The following COLEC12 variants were observed in gnomAD, a reference collection of about 807,000 sequenced individuals.
The protein encoded by COLEC12 is collectin-12.
In COLEC12, 33 loss-of-function variants were observed where a neutral mutation model predicts 71.1. That is an observed-to-expected ratio of 0.46 (90% CI 0.35 to 0.62). The LOEUF is 0.62. Ranked by LOEUF, COLEC12 falls within the 20% of genes least tolerant of loss-of-function variation. The pLI is 0.00. For synonymous variants in COLEC12, 350 were observed against 353.0 expected (o/e 0.99, Z 0.10); for missense variants, 765 against 916.1 (o/e 0.84, Z 2.13).
At position 322,254 on chromosome 18, in the gene COLEC12, C is replaced by T. The variant is rs1432497389; in HGVS notation, c.2064-447G>A. ...TGTGAGAACCCAGAGGGACCTTGTA[C>T]ATTTCAATATCTTGCCTCTAACAAG... On this transcript the variant is annotated intron_variant, in intron 8 of 9. Coordinates refer to ENST00000400256, the MANE Select transcript of COLEC12 (RefSeq NM_130386.3). 3.9e-5 allele frequency among the ~76,000 whole-genome samples: 6 copies of T among 152,052 alleles called. No individual in the cohort carries two copies. The East Asian group carries it at 1.2e-3, about 29-fold the overall frequency.
At chr18:437,020 G>A (rs1393731173) in intron 2 of COLEC12, among the ~76,000 whole-genome samples, 1 of 152,190 alleles carries the variant, frequency 6.6e-6, no homozygotes, top group Non-Finnish European at 1.5e-5. Context: ...TCCAAGGTGA[G>A]AAGCAATTCT....
rs1915824337 is a variant in COLEC12, at chr18:408,073, A to G, written c.59-50551T>C. 6.6e-6 allele frequency among the ~76,000 whole-genome samples: 1 copy of G among 152,242 alleles called. No homozygotes were observed. On this transcript the variant is annotated intron_variant, in intron 2 of 9. Transcript: ENST00000400256. The surrounding 1 kb of genome is among the most constrained non-coding windows in gnomAD (Gnocchi z 4.3). ...AATCCAGTTGGCACTAACCTAGGAA[A>G]TGAATTTTTAATAACTCTAATTCAG...
At position 434,741 on chromosome 18, in the gene COLEC12, A is replaced by C. The variant is rs559603823; in HGVS notation, c.58+45966T>G. Among the ~76,000 whole-genome samples the C allele has an allele frequency of 1.6e-4, 24 of 152,028 alleles. No individual in the cohort carries two copies. In the East Asian group the frequency reaches 4.4e-3, roughly 28 times the overall value. On this transcript the variant is annotated intron_variant, in intron 2 of 9. Coordinates refer to ENST00000400256, the MANE Select transcript of COLEC12 (RefSeq NM_130386.3). Reference sequence around the variant, plus strand: ...TCCCAAAAGCACATATTTGAAGCTCACTCTCCCCAGCTGAACATACAGTGG... The same window carrying C: ...TCCCAAAAGCACATATTTGAAGCTCCCTCTCCCCAGCTGAACATACAGTGG...
At chr18:389,159 T>C (rs1915406301) in intron 2 of COLEC12, among the ~76,000 whole-genome samples, 1 of 151,580 alleles carries the variant, frequency 6.6e-6, no homozygotes, top group Non-Finnish European at 1.5e-5. Flanking sequence ...AAATAATTTT[T>C]GAAAAGTAGG....
Position 500,529 on chromosome 18 carries a change from C to G in COLEC12, c.-15G>C. ...CTACCTTTCATGGTGACCGTGGGGA[C>G]GCACCGCCGGCCGGGGAGCTCCGCG... is the stretch of plus-strand genomic sequence containing the variant. On this transcript the variant is annotated 5_prime_UTR_variant, in exon 1 of 10. Transcript: ENST00000400256. The surrounding 1 kb of genome is among the most constrained non-coding windows in gnomAD (Gnocchi z 5.3). 8.2e-7 allele frequency: 1 copy of G among 1,226,764 alleles called. No homozygotes were observed. The highest frequency in any genetic ancestry group is 1.0e-6 in the Non-Finnish European group (1 of 984,686). The allele number at this position is 1,226,764 out of a possible 1,614,324, so 76.0% of individuals were successfully genotyped here. A position where few individuals can be genotyped will look rare whatever the true frequency, so the allele number is the denominator to read the frequency against.
chr18:460,869 C>T (rs1008418016), intron 2 of COLEC12, among the ~76,000 whole-genome samples: 6 of 152,110 alleles, frequency 3.9e-5, no homozygotes, highest in East Asian at 1.9e-4. Context: ...ACATATCACT[C>T]GGAGGGTCAG....
At chr18:495,363 G>A (rs933027251) in intron 1 of COLEC12, among the ~76,000 whole-genome samples, 12 of 152,144 alleles carry the variant, frequency 7.9e-5, no homozygotes, top group South Asian at 2.1e-4. Flanking sequence ...ATCACTCACC[G>A]GTGGTTACAG....
At chr18:372,708 T>C (rs1915027494) in intron 2 of COLEC12, among the ~76,000 whole-genome samples, 1 of 152,154 alleles carries the variant, frequency 6.6e-6, no homozygotes, top group Non-Finnish European at 1.5e-5. Flanking sequence ...TGAGCCACCA[T>C]GCCCGCCCAA....
At chr18:393,375 TC>T (rs1915503234) in intron 2 of COLEC12, among the ~76,000 whole-genome samples, 1 of 151,828 alleles carries the variant, frequency 6.6e-6, no homozygotes, top group Admixed American at 6.6e-5. Flanking sequence ...ATTTCATATT[TC>T]CCTTTTTTCT....
At chr18:452,064 A>G (rs1374342498) in intron 2 of COLEC12, among the ~76,000 whole-genome samples, 1 of 152,228 alleles carries the variant, frequency 6.6e-6, no homozygotes. Context: ...CTTGCTCGAG[A>G]AAAAGAATAG....
At chr18:446,529 C>T (rs1272706427) in intron 2 of COLEC12, among the ~76,000 whole-genome samples, 1 of 142,050 alleles carries the variant, frequency 7.0e-6, no homozygotes, top group Admixed American at 7.3e-5. Context: ...TAGCAAGACC[C>T]TATCTCTGTA....
At chr18:355,159 G>C (rs1032982632) in intron 3 of COLEC12, among the ~76,000 whole-genome samples, 5 of 152,090 alleles carry the variant, frequency 3.3e-5, no homozygotes, top group African/African-American at 1.2e-4. Context: ...GGTGCTGGTG[G>C]GAGATATAAT....
At chr18:350,304 C>A (rs146126162) in intron 3 of COLEC12, among the ~76,000 whole-genome samples, 4 of 152,238 alleles carry the variant, frequency 2.6e-5, no homozygotes, top group African/African-American at 9.6e-5. Flanking sequence ...TTGCTGCTGC[C>A]GTGTAAGAAG....
intron 2 of COLEC12, among the ~76,000 whole-genome samples, chr18:378,276 C>T (rs1207525463): frequency 1.3e-5 from 2 of 152,198 alleles, no homozygotes; most frequent in Non-Finnish European, 2.9e-5. Flanking sequence ...CTGCACAGCG[C>T]TGGCCAGGCT....
At chr18:439,841 T>C (rs1012263189) in intron 2 of COLEC12, among the ~76,000 whole-genome samples, 5 of 152,176 alleles carry the variant, frequency 3.3e-5, no homozygotes, top group Non-Finnish European at 7.3e-5. Context: ...CACTTCTGGG[T>C]ATATATCCAA....
At chr18:423,096 C>A (rs965928457) in intron 2 of COLEC12, among the ~76,000 whole-genome samples, 1 of 128,644 alleles carries the variant, frequency 7.8e-6, no homozygotes, top group Non-Finnish European at 1.7e-5. Context: ...CATAGTGAGA[C>A]CCCATCTCTA....
intron 2 of COLEC12, among the ~76,000 whole-genome samples, chr18:415,733 G>A (rs1915974093): frequency 6.6e-6 from 1 of 152,070 alleles, no homozygotes; most frequent in South Asian, 2.1e-4. Context: ...GTTCCTCCAA[G>A]GCACTGGGGC....
Position 346,343 on chromosome 18 carries a change from C to T in COLEC12, c.1279G>A (p.Val427Ile). Reference protein sequence around the residue: ...LSVIMEEMKLVDSKHGQLIKN... With the variant: ...LSVIMEEMKLIDSKHGQLIKN... ...ATGAGCTGACCATGCTTGGAGTCTA[C>T]TAGCTTCATTTCTTCCATAATCACT... The change falls in exon 5 of 10, where the codon GTA becomes ATA. Residue 427 changes from valine to isoleucine, a missense_variant. Physicochemically the swap from Val to Ile is conservative, Grantham distance 29. Coordinates refer to ENST00000400256, the MANE Select transcript of COLEC12 (RefSeq NM_130386.3). This position sits in a 1 kb window ranked among gnomAD's most constrained non-coding sequence, Gnocchi z 4.0. 6.2e-7 allele frequency: 1 copy of T among 1,614,056 alleles called. No individual in the cohort carries two copies. The highest frequency in any genetic ancestry group is 8.5e-7 in the Non-Finnish European group (1 of 1,180,020).
chr18:324,563 T>C (rs1040649972), intron 8 of COLEC12, among the ~76,000 whole-genome samples: 1 of 152,224 alleles, frequency 6.6e-6, no homozygotes, highest in Non-Finnish European at 1.5e-5. Context: ...GCATGGTGGC[T>C]CACACCTGTA....
Sources: allele counts gnomAD v4.1 joint callset (sites outside exome capture counted in the v4.1 genomes callset), GRCh38; gene constraint gnomAD v4.1.1; non-coding constraint Gnocchi (gnomAD v3.1); transcripts MANE v1.5; gene names NCBI Gene and HGNC (gene_info 2026-07-23, HGNC 2026-07-21).